Variants in EXPH5 observed in about 807,000 individuals in gnomAD.
EXPH5 encodes the protein exophilin 5, also known as exophilin-5.
Under a neutral mutation model 41.1 loss-of-function variants are expected in EXPH5, and 42 were observed. The observed-to-expected ratio is 1.02, with a 90% CI of 0.80 to 1.32. The LOEUF (loss-of-function observed/expected upper bound fraction) is 1.32. Among genes scored for constraint, EXPH5 ranks in the 40% most tolerant of loss-of-function variants. The pLI is 0.00. For missense variants in EXPH5, 2,298 were observed against 2,314.5 expected, an observed-to-expected ratio of 0.99 and a Z score of 0.15; for synonymous variants, 798 against 833.5, an observed-to-expected ratio of 0.96 and a Z score of 0.73.
In EXPH5 at chr11:108,541,727, A is replaced by C. The variant is rs1271483927; in HGVS notation, c.205T>G (p.Cys69Gly). ...ATTTGGCTAACATCTGTTTCATTGC[A>C]AAACTTTTTTCTTTGAATTTCTTCA... ...WFEEIQRKKFCNETDVSQMLK... is the reference protein window; with the variant it reads ...WFEEIQRKKFGNETDVSQMLK... Residue 69 changes from cysteine (C) to glycine (G), a missense_variant, in exon 2 of 6, where the codon TGC becomes GGC. By Grantham distance (159) the Cys-to-Gly change is radical (BLOSUM62 -3). Transcript: ENST00000265843. 19 of 1,613,354 alleles carry C rather than the reference A, an allele frequency of 1.2e-5. No individual in the cohort carries two copies. Among genetic ancestry groups the C allele is most frequent in the Non-Finnish European group, 1.5e-5 (18 of 1,179,508 alleles).
chr11:108,587,782 T>C (rs1210070237), intron 1 of EXPH5, among the ~76,000 whole-genome samples: 1 of 152,234 alleles, frequency 6.6e-6, no homozygotes, highest in East Asian at 1.9e-4. Context: ...GACAGAGTTT[T>C]GCTCTTGTTA....
Position 108,581,534 on chromosome 11 carries a change from C to A in EXPH5, c.119+11884G>T, listed in dbSNP as rs1397558224. ...ATTAAAATTAAAATAATGTAAAAAC[C>A]AAAAAACGCTTATACTGGAAAAGAA... On this transcript the variant is annotated intron_variant, in intron 1 of 5. Transcript: ENST00000265843. Among the ~76,000 whole-genome samples, 5 of 150,988 alleles carry A rather than the reference C, an allele frequency of 3.3e-5. No homozygotes were observed. In the East Asian group the frequency reaches 5.8e-4, roughly 18 times the overall value.
At position 108,512,767 on chromosome 11, in the gene EXPH5, T is replaced by G; in HGVS notation, c.2740A>C (p.Lys914Gln). The G allele has an allele frequency of 6.2e-7, 1 of 1,613,946 alleles. No individual in the cohort carries two copies. Among genetic ancestry groups the G allele is most frequent in the Non-Finnish European group, 8.5e-7 (1 of 1,179,964 alleles). The change falls in exon 6 of 6, where the codon AAA (lysine) becomes CAA (glutamine). Residue 914 changes from lysine to glutamine, a missense_variant. Lys to Gln is a moderately conservative substitution (Grantham distance 53, BLOSUM62 1). Coordinates refer to ENST00000265843, the MANE Select transcript of EXPH5 (RefSeq NM_015065.3). ...TCTCTTTCTCCTAGCGATGGATCTT[T>G]GTCTGAAGGACTTCTCCTGGAGAAC... ...TVFSRRSPSDKDPSLGEREEK... is the reference protein window; with the variant it reads ...TVFSRRSPSDQDPSLGEREEK...
intron 1 of EXPH5, among the ~76,000 whole-genome samples, chr11:108,550,086 A>G (rs910674285): frequency 6.6e-6 from 1 of 152,226 alleles, no homozygotes; most frequent in African/African-American, 2.4e-5. Flanking sequence ...AACTACTGTT[A>G]AGAGGCACCT....
intron 3 of EXPH5, among the ~76,000 whole-genome samples, chr11:108,536,456 G>T (rs987908039): frequency 2.0e-5 from 3 of 152,112 alleles, no homozygotes; most frequent in African/African-American, 4.8e-5. Context: ...TAGAGATGGG[G>T]TTTCACCATG....
At chr11:108,561,605 C>T (rs2094011948) in intron 1 of EXPH5, among the ~76,000 whole-genome samples, 1 of 152,208 alleles carries the variant, frequency 6.6e-6, no homozygotes, top group South Asian at 2.1e-4. Flanking sequence ...TTTTTGCATT[C>T]CTACCCTAAT....
At chr11:108,516,218 C>T (rs1485946546) in intron 5 of EXPH5, among the ~76,000 whole-genome samples, 1 of 152,162 alleles carries the variant, frequency 6.6e-6, no homozygotes, top group East Asian at 1.9e-4. Context: ...ACTTTTCTCT[C>T]GGTAGCAAAG....
chr11:108,549,142 G>T (rs1229736912), intron 1 of EXPH5, among the ~76,000 whole-genome samples: 1 of 152,216 alleles, frequency 6.6e-6, no homozygotes, highest in African/African-American at 2.4e-5. Context: ...CAGCTTGCTT[G>T]CTTAATTAGT....
rs778431917 is a variant in EXPH5 at position 108,514,348 on chromosome 11, C to G, written c.1159G>C (p.Glu387Gln). Reference sequence around the variant, plus strand: ...ATTGGTGATGGTGCCCTCAGGAACTCTTCCTGGTTCTCCCTGTCTCTAGAG... The same window carrying G: ...ATTGGTGATGGTGCCCTCAGGAACTGTTCCTGGTTCTCCCTGTCTCTAGAG... ...DSSRDRENQE[E>Q]FLRAPSPMEI... The change falls in exon 6 of 6, where the codon GAG (glutamate) becomes CAG (glutamine). Residue 387 changes from glutamate to glutamine, a missense_variant. Glu to Gln is a conservative substitution (Grantham distance 29). Coordinates refer to ENST00000265843, the MANE Select transcript of EXPH5 (RefSeq NM_015065.3). The G allele has an allele frequency of 6.2e-7, 1 of 1,613,560 alleles. No homozygotes were observed. Among genetic ancestry groups the G allele is most frequent in the East Asian group, 2.2e-5 (1 of 44,874 alleles).
rs754165432 is a variant in EXPH5 at position 108,513,568 on chromosome 11, G to A, written c.1939C>T (p.Gln647Ter). 1 of 1,614,188 alleles carries A rather than the reference G, an allele frequency of 6.2e-7. No individual in the cohort carries two copies. The highest frequency in any genetic ancestry group is 2.2e-5 in the East Asian group (1 of 44,882). Residue 647 changes from glutamine (Q) to a stop codon, truncating the protein, a stop_gained, in exon 6 of 6, where the codon CAG becomes TAG. Transcript: ENST00000265843. LOFTEE classifies it low-confidence loss of function (END_TRUNC). ...TTCTGCAAAGTGACTGTGGGATTCT[G>A]CAAGTTGGGACTCTGAGGATTCCTT... is the stretch of plus-strand genomic sequence containing the variant. Reference protein sequence around the residue: ...DRRNPQSPNLQNPTVTLQKIF... With the variant: ...DRRNPQSPNL
rs1372161362 is a variant in EXPH5 at position 108,506,605 on chromosome 11, A to G, written c.*2932T>C. 6.6e-6 allele frequency: 1 copy of G among 152,246 alleles called. No individual in the cohort carries two copies. The allele number at this position is 152,246 out of a possible 1,614,324, so 9.4% of individuals were successfully genotyped here. On this transcript the variant is annotated 3_prime_UTR_variant, in exon 6 of 6. Transcript: ENST00000265843. ...AATTTGAAAGCTGATCATTAAAAAA[A>G]TCAAGAACCTCAATATTAAAATATT...
intron 1 of EXPH5, among the ~76,000 whole-genome samples, chr11:108,585,798 C>G (rs1198947012): frequency 6.6e-6 from 1 of 152,126 alleles, no homozygotes; most frequent in Non-Finnish European, 1.5e-5. Context: ...ATGTTGATAG[C>G]AGCATTATTT....
the EXPH5 span, among the ~76,000 whole-genome samples, chr11:108,598,778 C>T: frequency 6.6e-6 from 1 of 152,004 alleles, no homozygotes; most frequent in Non-Finnish European, 1.5e-5. Context: ...AGAAGAGGGA[C>T]ATAAAAAAGG....
At chr11:108,563,409 T>C (rs933356707) in intron 1 of EXPH5, among the ~76,000 whole-genome samples, 3 of 152,174 alleles carry the variant, frequency 2.0e-5, no homozygotes, top group Non-Finnish European at 4.4e-5. Flanking sequence ...TCTTAGTTCA[T>C]GCCTGCTAGA....
At chr11:108,532,339 G>GAGATATATATATATATAT (rs1471861001) in intron 3 of EXPH5, among the ~76,000 whole-genome samples, 1 of 23,444 alleles carries the variant, frequency 4.3e-5, no homozygotes, top group African/African-American at 1.9e-4. Flanking sequence ...CACCACACTG[G>GAGATATATATATATATAT]ATATATATAT....
At chr11:108,602,743 T>C in the EXPH5 span, among the ~76,000 whole-genome samples, 2 of 152,218 alleles carry the variant, frequency 1.3e-5, no homozygotes, top group African/African-American at 4.8e-5. Flanking sequence ...AAGCAGATTA[T>C]AAGGGGTTAG....
At chr11:108,571,824 G>A (rs113183626) in intron 1 of EXPH5, among the ~76,000 whole-genome samples, 3 of 152,288 alleles carry the variant, frequency 2.0e-5, no homozygotes, top group African/African-American at 7.2e-5. Flanking sequence ...ACTTTGGGAG[G>A]CCAAGGCGGG....
chr11:108,590,449 T>C (rs2094124721), intron 1 of EXPH5, among the ~76,000 whole-genome samples: 1 of 152,212 alleles, frequency 6.6e-6, no homozygotes, highest in Non-Finnish European at 1.5e-5. Flanking sequence ...TTATATTTAA[T>C]GCAAATACTT....
At chr11:108,604,273 G>A in the EXPH5 span, among the ~76,000 whole-genome samples, 1 of 150,378 alleles carries the variant, frequency 6.6e-6, no homozygotes, top group African/African-American at 2.4e-5. Context: ...GTGTGTGCCT[G>A]TAGTCCCAGC....
Sources: gnomAD v4.1 joint callset for allele counts (sites outside exome capture counted in the v4.1 genomes callset) on GRCh38, gnomAD v4.1.1 for gene constraint, MANE v1.5 for transcripts, NCBI Gene and HGNC (gene_info 2026-07-23, HGNC 2026-07-21) for gene names.